Variants in KCNMA1 observed in about 807,000 individuals in gnomAD.
The protein encoded by KCNMA1 is potassium calcium-activated channel subfamily M alpha 1, also known as Calcium-activated potassium channel subunit alpha-1.
A neutral mutation model predicts 140.0 loss-of-function variants in KCNMA1; 29 were observed. The ratio of observed to expected loss-of-function variants is 0.21; its 90% CI spans 0.15 to 0.28. The LOEUF is 0.28. Among genes scored for constraint, KCNMA1 ranks in the 10% least tolerant of loss-of-function variants. The pLI, the probability that KCNMA1 is intolerant of heterozygous loss-of-function variation, is 1.00. For missense variants in KCNMA1, 880 were observed against 1,602.2 expected (o/e 0.55, Z 7.70); for synonymous variants, 612 against 611.9 (o/e 1.00, Z 0.00).
At chr10:77,105,503 G>A (rs940134775) in intron 9 of KCNMA1, among the ~76,000 whole-genome samples, 1 of 152,132 alleles carries the variant, frequency 6.6e-6, no homozygotes, top group Non-Finnish European at 1.5e-5. Context: ...TTAATATATT[G>A]TTAGAGAAAT....
intron 5 of KCNMA1, chr10:77,140,594 G>A (rs1174541857): frequency 6.6e-6 from 1 of 152,526 alleles, no homozygotes; most frequent in Middle Eastern, 3.2e-3. Flanking sequence ...GGAGGAGCCT[G>A]TGTTCCTCTG....
intron 1 of KCNMA1, among the ~76,000 whole-genome samples, chr10:77,513,525 G>C (rs2154548923): frequency 6.6e-6 from 1 of 152,278 alleles, no homozygotes; most frequent in South Asian, 2.1e-4. Flanking sequence ...AAAGAGCTTT[G>C]CAAACTGTAA....
chr10:77,387,091 T>C (rs185031489), intron 2 of KCNMA1, among the ~76,000 whole-genome samples: 678 of 152,288 alleles, frequency 4.5e-3, no homozygotes, highest in Non-Finnish European at 7.0e-3. Context: ...GTGTGCTTCA[T>C]GCAAAGAGAA....
chr10:77,247,082 AAGTCACCAGTGAGC>A (rs2058697335), intron 3 of KCNMA1, among the ~76,000 whole-genome samples: 1 of 152,250 alleles, frequency 6.6e-6, no homozygotes, highest in African/African-American at 2.4e-5. Context: ...GCCTGCATTG[AAGTCACCAGTGAGC>A]AGGACTTGAC....
chr10:77,146,082 G>C (rs1405850877), intron 5 of KCNMA1, among the ~76,000 whole-genome samples: 3 of 152,226 alleles, frequency 2.0e-5, no homozygotes, highest in African/African-American at 7.2e-5. Flanking sequence ...ATACAAATGT[G>C]ATTTGCTCTA....
intron 3 of KCNMA1, chr10:77,249,379 C>G (rs2059262895): frequency 6.6e-6 from 1 of 151,956 alleles, no homozygotes; most frequent in Non-Finnish European, 1.5e-5. Flanking sequence ...CCAGGATCTA[C>G]AGAACAAAAG....
rs568878827 is a variant in KCNMA1 at position 77,348,358 on chromosome 10, G to T, written c.540+55504C>A. Among the ~76,000 whole-genome samples, 3 of 152,318 alleles carry T rather than the reference G, an allele frequency of 2.0e-5. No homozygotes were observed. In the South Asian group the frequency reaches 6.2e-4, roughly 32 times the overall value. Reference sequence around the variant, plus strand: ...CCCAAAGAAGAGAGAAAGCAAAAGTGAAGAGGCCATTGTCCTCGATCCTTT... The same window carrying T: ...CCCAAAGAAGAGAGAAAGCAAAAGTTAAGAGGCCATTGTCCTCGATCCTTT... On this transcript the variant is annotated intron_variant, in intron 2 of 27. Transcript: ENST00000286628.
chr10:77,073,246 G>A lies in KCNMA1; in HGVS notation c.1600C>T (p.Leu534=). 1.2e-6 allele frequency: 2 copies of A among 1,614,128 alleles called. No homozygotes were observed. The highest frequency in any genetic ancestry group is 1.7e-6 in the Non-Finnish European group (2 of 1,179,962). The change falls in exon 14 of 28, where the codon CTG becomes TTG. Residue 534 remains leucine (L), a synonymous_variant. Coordinates refer to ENST00000286628, the MANE Select transcript of KCNMA1 (RefSeq NM_001161352.2). ...CAATTCCAGCTCGGGATGTTTAGCA[G>A]ATGGGCCTGGGGAAAGAAAAGCAGG... is the stretch of plus-strand genomic sequence containing the variant. ...QMLQYHNKAH[L]LNIPSWNWKE...
intron 2 of KCNMA1, among the ~76,000 whole-genome samples, chr10:77,342,621 G>A (rs1007780033): frequency 3.3e-5 from 5 of 152,162 alleles, no homozygotes; most frequent in African/African-American, 9.7e-5. Flanking sequence ...GCCACCACAC[G>A]AATGCTTCTC....
intron 14 of KCNMA1, among the ~76,000 whole-genome samples, chr10:77,064,911 T>C (rs1028832): frequency 0.93 from 141,276 of 152,302 alleles, 65,584 homozygotes; most frequent in Middle Eastern, 0.97. Context: ...ACAATCCTTG[T>C]CAAGGATTAA....
chr10:76,916,289 T>C (rs2052867873), intron 23 of KCNMA1, among the ~76,000 whole-genome samples: 1 of 152,154 alleles, frequency 6.6e-6, no homozygotes, highest in Non-Finnish European at 1.5e-5. Context: ...ATTTTGCAGT[T>C]TGGGCTTCTT....
intron 9 of KCNMA1, among the ~76,000 whole-genome samples, chr10:77,094,191 C>A (rs997196575): frequency 6.6e-6 from 1 of 152,156 alleles, no homozygotes; most frequent in African/African-American, 2.4e-5. Flanking sequence ...AATCCTTCAA[C>A]AACCCTGTGT....
intron 1 of KCNMA1, among the ~76,000 whole-genome samples, chr10:77,428,824 A>G (rs912827074): frequency 2.0e-5 from 3 of 152,202 alleles, no homozygotes; most frequent in Admixed American, 2.0e-4. Context: ...TGGATCTCTA[A>G]GAGCCAGATA....
chr10:76,892,329 C>T (rs188284808), intron 25 of KCNMA1, among the ~76,000 whole-genome samples: 1 of 152,282 alleles, frequency 6.6e-6, no homozygotes, highest in East Asian at 1.9e-4. Context: ...AAAATAACCT[C>T]AGTAGTCTGA....
chr10:77,022,208 C>T (rs150156624), intron 16 of KCNMA1, among the ~76,000 whole-genome samples: 21 of 152,206 alleles, frequency 1.4e-4, no homozygotes, highest in African/African-American at 4.3e-4. Flanking sequence ...TCTCTCTGTG[C>T]GCCACTCTGA....
At chr10:77,278,527 C>G (rs1247470695) in intron 2 of KCNMA1, among the ~76,000 whole-genome samples, 2 of 152,182 alleles carry the variant, frequency 1.3e-5, no homozygotes, top group Non-Finnish European at 2.9e-5. Context: ...GCTGCTAATA[C>G]TACTTTCCTC....
intron 3 of KCNMA1, among the ~76,000 whole-genome samples, chr10:77,194,202 G>A (rs1239906697): frequency 6.6e-6 from 1 of 152,148 alleles, no homozygotes; most frequent in Non-Finnish European, 1.5e-5. Context: ...AGGCTCCTAA[G>A]AGAAAAGAAG....
At chr10:76,984,153 T>C (rs961522059) in intron 19 of KCNMA1, among the ~76,000 whole-genome samples, 3 of 152,096 alleles carry the variant, frequency 2.0e-5, no homozygotes, top group African/African-American at 7.2e-5. Context: ...CAATATTCTT[T>C]GGATGACTTG....
intron 19 of KCNMA1, among the ~76,000 whole-genome samples, chr10:76,983,357 A>G (rs566391543): frequency 6.6e-6 from 1 of 152,318 alleles, no homozygotes; most frequent in Admixed American, 6.5e-5. Flanking sequence ...AAAGTTTAAA[A>G]ACTCAAAAGA....
Sources: allele counts gnomAD v4.1 joint callset (sites outside exome capture counted in the v4.1 genomes callset), GRCh38; gene constraint gnomAD v4.1.1; transcripts MANE v1.5; gene names NCBI Gene and HGNC (gene_info 2026-07-23, HGNC 2026-07-21).